RYR1: variants seen among roughly 807,000 people sequenced by gnomAD.
RYR1 encodes the protein central core disease of muscle.
RYR1 carries 342 observed loss-of-function variants against 583.5 expected under a neutral mutation model. That is an observed-to-expected ratio of 0.59 (90% CI 0.54 to 0.64). RYR1 has a LOEUF of 0.64. RYR1 is among the 30% of genes least tolerant of loss of function. The pLI is 0.00. For synonymous variants in RYR1, 2,791 were observed against 2,822.5 expected (o/e 0.99, Z 0.35); for missense variants, 6,032 against 6,917.2 (o/e 0.87, Z 4.54).
At chr19:38,567,675 C>T in intron 92 of RYR1, 98 bp from the exon 93 acceptor site, 3 of 1,588,292 alleles carry the variant, frequency 1.9e-6, no homozygotes, top group Non-Finnish European at 2.6e-6. Context: ...AAACCTGGGC[C>T]AGGCACAGGG....
At chr19:38,497,308 G>C (rs947938310) in intron 42 of RYR1, among the ~76,000 whole-genome samples, 1 of 152,174 alleles carries the variant, frequency 6.6e-6, no homozygotes, top group Non-Finnish European at 1.5e-5. Flanking sequence ...CCGGGTTGGG[G>C]GCCGATCCAC....
chr19:38,519,983 A>AT (rs1471112930), intron 67 of RYR1, among the ~76,000 whole-genome samples: 7 of 146,486 alleles, frequency 4.8e-5, no homozygotes, highest in Non-Finnish European at 9.0e-5. Context: ...GGCCAGTGTG[A>AT]TTTTTTTTAA....
In RYR1 at chr19:38,561,402, G is replaced by A. The variant is rs765730833; in HGVS notation, c.12572G>A (p.Arg4191His). The A allele has an allele frequency of 1.9e-6, 3 of 1,612,838 alleles. No homozygotes were observed. The highest frequency in any genetic ancestry group is 1.7e-6 in the Non-Finnish European group (2 of 1,179,996). Residue 4191 changes from arginine to histidine, a missense_variant, in exon 90 of 106, where the codon CGC (arginine) becomes CAC (histidine). Transcript: ENST00000359596. The surrounding 1 kb of genome is among the most constrained non-coding windows in gnomAD (Gnocchi z 4.8). Reference sequence around the variant, plus strand: ...ATGGGCGCGTCACGCCGCATCGAGCGCATCTACTTCGAGATCTCAGAGACC... The same window carrying A: ...ATGGGCGCGTCACGCCGCATCGAGCACATCTACTTCGAGATCTCAGAGACC... Reference protein sequence around the residue: ...EIMGASRRIERIYFEISETNR... With the variant: ...EIMGASRRIEHIYFEISETNR...
chr19:38,545,965 G>A (rs183642150), intron 87 of RYR1, among the ~76,000 whole-genome samples: 5 of 152,194 alleles, frequency 3.3e-5, no homozygotes, highest in East Asian at 1.9e-4. Context: ...CCCCGCAGAC[G>A]GCTTACCAGA....
At chr19:38,558,934 T>C (rs1972999819) in intron 89 of RYR1, among the ~76,000 whole-genome samples, 1 of 151,692 alleles carries the variant, frequency 6.6e-6, no homozygotes, top group African/African-American at 2.4e-5. Flanking sequence ...CTACTAAAAA[T>C]ACAGAATTAG....
At chr19:38,494,740 C>A in intron 39 of RYR1, 115 bp downstream of exon 39, 2 of 1,307,796 alleles carry the variant, frequency 1.5e-6, no homozygotes, top group Non-Finnish European at 2.2e-6. Flanking sequence ...TGATCTCAGT[C>A]TCTCGATGGC....
chr19:38,544,294 C>T (rs2145778021), intron 87 of RYR1, among the ~76,000 whole-genome samples: 1 of 152,300 alleles, frequency 6.6e-6, no homozygotes, highest in Admixed American at 6.5e-5. Context: ...AGATGACACC[C>T]ATATCAGGCA....
rs767748451 is a variant in RYR1 at position 38,506,827 on chromosome 19, A to C, written c.8693-2A>C. ...CCTGATTTCTGGTCTTTGCCTCCCC[A>C]GGCGGTGGGACCCACCCCCTGCTGG... On this transcript the variant is annotated splice_acceptor_variant, in intron 56 of 105. Transcript: ENST00000359596. LOFTEE classifies it high-confidence loss of function. The C allele has an allele frequency of 1.2e-6, 2 of 1,613,962 alleles. No homozygotes were observed. Among genetic ancestry groups the C allele is most frequent in the South Asian group, 1.1e-5 (1 of 91,056 alleles).
intron 60 of RYR1, 150 bp downstream of exon 60, chr19:38,510,931 C>T (rs574708458): frequency 1.5e-5 from 18 of 1,224,206 alleles, no homozygotes; most frequent in Non-Finnish European, 1.7e-5. Context: ...CTAGTGTACC[C>T]GGGACTGAAG....
intron 39 of RYR1, among the ~76,000 whole-genome samples, chr19:38,495,264 T>C (rs1969764477): frequency 6.6e-6 from 1 of 152,098 alleles, no homozygotes; most frequent in Non-Finnish European, 1.5e-5. Context: ...TAATAATAAT[T>C]ATGGTAGCAG....
At position 38,543,414 on chromosome 19, in the gene RYR1, G is replaced by A. The variant is rs2145774832; in HGVS notation, c.11757G>A (p.Val3919=). Residue 3919 remains valine, a synonymous_variant, in exon 85 of 106, where the codon GTG becomes GTA. Coordinates refer to ENST00000359596, the MANE Select transcript of RYR1 (RefSeq NM_000540.3). This position sits in a 1 kb window ranked among gnomAD's most constrained non-coding sequence, Gnocchi z 4.4. ...TTTINIIICT[V]DYLLRLQESI... ...CTATTAACATCATCATTTGCACTGT[G>A]GACTACCTCCTGCGGCTGCAGGTGA... The A allele has an allele frequency of 6.2e-7, 1 of 1,614,206 alleles. No homozygotes were observed.
chr19:38,542,103 GTTTT>G (rs367691103), intron 84 of RYR1, among the ~76,000 whole-genome samples: 1 of 137,930 alleles, frequency 7.3e-6, no homozygotes. Flanking sequence ...GCCGGGGACT[GTTTT>G]TTTTTTTTTT....
chr19:38,543,521 G>T lies in RYR1; in HGVS notation c.11779-11G>T. On this transcript the variant is annotated splice_polypyrimidine_tract_variant and intron_variant, in intron 85 of 105. Coordinates refer to ENST00000359596, the MANE Select transcript of RYR1 (RefSeq NM_000540.3). The surrounding 1 kb of genome is among the most constrained non-coding windows in gnomAD (Gnocchi z 4.4). ...CCCAGCACCCCCTCACACCCTACCC[G>T]CCCCCACCAGGAATCCATCAGCGAC... is the stretch of plus-strand genomic sequence containing the variant. 1.0e-6 allele frequency: 1 copy of T among 984,194 alleles called. No homozygotes were observed. Among genetic ancestry groups the T allele is most frequent in the Non-Finnish European group, 1.5e-6 (1 of 645,908 alleles). The allele number at this position is 984,194 out of a possible 1,614,324, so 61.0% of individuals were successfully genotyped here. A position where few individuals can be genotyped will look rare whatever the true frequency, so the allele number is the denominator to read the frequency against.
chr19:38,473,069 T>A (rs903866188), intron 27 of RYR1, among the ~76,000 whole-genome samples: 3 of 150,516 alleles, frequency 2.0e-5, no homozygotes, highest in African/African-American at 7.3e-5. Flanking sequence ...GGTTACAGAA[T>A]GACAGAGTAG....
chr19:38,468,856 AC>A, intron 25 of RYR1, 109 bp from the exon 26 acceptor site: 2 of 1,162,168 alleles, frequency 1.7e-6, no homozygotes, highest in Non-Finnish European at 2.5e-6. Context: ...CCTGCCCTGA[AC>A]CTGACACTTC....
At chr19:38,536,655 G>C (rs1971982124) in intron 82 of RYR1, 95 bp from the exon 83 acceptor site, 2 of 1,412,346 alleles carry the variant, frequency 1.4e-6, no homozygotes, top group African/African-American at 2.8e-5. Flanking sequence ...CTGTGTCTCT[G>C]TCCCTGACTG....
At chr19:38,506,252 G>A (rs760407771) in intron 54 of RYR1, 51 bp from the exon 55 acceptor site, 9 of 1,588,044 alleles carry the variant, frequency 5.7e-6, no homozygotes, top group South Asian at 1.1e-5. Flanking sequence ...GCTGGCCTGG[G>A]CTTCCTGCTA....
intron 72 of RYR1, among the ~76,000 whole-genome samples, 181 bp downstream of exon 72, chr19:38,527,233 G>C (rs907289644): frequency 6.6e-6 from 1 of 152,184 alleles, no homozygotes; most frequent in Non-Finnish European, 1.5e-5. Context: ...CAATTAGGCC[G>C]GGCACAATGG....
At chr19:38,562,089 CCT>C (rs1172412402) in intron 90 of RYR1, among the ~76,000 whole-genome samples, 1 of 151,674 alleles carries the variant, frequency 6.6e-6, no homozygotes, top group Non-Finnish European at 1.5e-5. Context: ...GCCAATGAGC[CCT>C]CTCAGAACCC....
Sources: allele counts gnomAD v4.1 joint callset (sites outside exome capture counted in the v4.1 genomes callset), GRCh38; gene constraint gnomAD v4.1.1; non-coding constraint Gnocchi (gnomAD v3.1); transcripts MANE v1.5; gene names NCBI Gene and HGNC (gene_info 2026-07-23, HGNC 2026-07-21).